ARHGEF11: variants seen among roughly 807,000 people sequenced by gnomAD.
ARHGEF11 encodes Rho guanine nucleotide exchange factor 11.
Under a neutral mutation model 193.7 loss-of-function variants are expected in ARHGEF11, and 55 were observed. That is an observed-to-expected ratio of 0.28 (90% CI 0.23 to 0.36). The LOEUF (loss-of-function observed/expected upper bound fraction) is 0.36. Ranked by LOEUF, ARHGEF11 falls within the 10% of genes least tolerant of loss-of-function variation. The pLI is 1.00. For missense variants in ARHGEF11, 1,723 were observed against 2,005.6 expected, an observed-to-expected ratio of 0.86 and a Z score of 2.69; for synonymous variants, 693 against 768.0, an observed-to-expected ratio of 0.90 and a Z score of 1.62.
chr1:156,937,036 G>C (rs747763386), intron 39 of ARHGEF11, 31 bp from the exon 40 acceptor site: 1 of 1,605,564 alleles, frequency 6.2e-7, no homozygotes, highest in African/African-American at 1.3e-5. Flanking sequence ...ATGTCTGCTC[G>C]AGTCCTTCTA....
rs996137520 is a variant in ARHGEF11 at position 156,948,090 on chromosome 1, C to T, written c.2153+91G>A. 8 of 1,535,364 alleles carry T rather than the reference C, an allele frequency of 5.2e-6. No homozygotes were observed. The highest frequency in any genetic ancestry group is 2.3e-5 in the East Asian group (1 of 43,932). ...GTGGGCCCAGAAGAGGAGACAGCCA[C>T]CCAACCAGCCCCTTGCAGGTGAGAG... is the stretch of plus-strand genomic sequence containing the variant. On this transcript the variant is annotated intron_variant, in intron 24 of 40. Coordinates refer to ENST00000368194, the MANE Select transcript of ARHGEF11 (RefSeq NM_198236.3). This position sits in a 1 kb window ranked among gnomAD's most constrained non-coding sequence, Gnocchi z 4.2.
At chr1:156,972,680 T>A (rs1263789086) in intron 7 of ARHGEF11, among the ~76,000 whole-genome samples, 1 of 152,154 alleles carries the variant, frequency 6.6e-6, no homozygotes, top group East Asian at 1.9e-4. Flanking sequence ...TATTTCATCT[T>A]CTCCATGCCC....
At chr1:156,982,904 T>C (rs1171114942) in intron 3 of ARHGEF11, among the ~76,000 whole-genome samples, 4 of 152,218 alleles carry the variant, frequency 2.6e-5, no homozygotes, top group African/African-American at 9.6e-5. Context: ...CTCCCAAATA[T>C]AAGAAGCCAT....
intron 5 of ARHGEF11, among the ~76,000 whole-genome samples, chr1:156,978,625 A>G (rs1463125602): frequency 2.0e-5 from 3 of 152,290 alleles, no homozygotes; most frequent in Middle Eastern, 3.4e-3. Context: ...ATCTGGGAAC[A>G]CGCCCCACAG....
intron 1 of ARHGEF11, among the ~76,000 whole-genome samples, chr1:157,030,375 C>G (rs539777016): frequency 6.6e-6 from 1 of 152,248 alleles, no homozygotes; most frequent in Admixed American, 6.5e-5. Flanking sequence ...GCGTGCCACT[C>G]TCCCCACCAT....
intron 7 of ARHGEF11, among the ~76,000 whole-genome samples, chr1:156,973,087 G>GATTTT (rs1223361513): frequency 6.6e-6 from 1 of 151,814 alleles, no homozygotes; most frequent in East Asian, 1.9e-4. Flanking sequence ...GTGGTTTTCT[G>GATTTT]ATTTTATTTT....
In ARHGEF11 at chr1:156,951,595, C is replaced by G. The variant is rs773386276; in HGVS notation, c.1903G>C (p.Glu635Gln). ...TACCTGTCACTCTCCAGCAGGTCCT[C>G]AGGAAAGCTTCCGGTCGAGAGTCGT... ...TQRLSTGSFP[E>Q]DLLESDSSRS... is the part of the protein sequence containing the mutation. The change falls in exon 22 of 41, where the codon GAG (glutamate) becomes CAG (glutamine). Residue 635 changes from glutamate (E) to glutamine (Q), a missense_variant. Glu to Gln is a conservative substitution (Grantham distance 29). Transcript: ENST00000368194. 6.2e-7 allele frequency: 1 copy of G among 1,614,134 alleles called. No homozygotes were observed. Among genetic ancestry groups the G allele is most frequent in the Non-Finnish European group, 8.5e-7 (1 of 1,180,034 alleles).
intron 3 of ARHGEF11, among the ~76,000 whole-genome samples, chr1:156,982,752 G>T (rs1055115190): frequency 1.3e-5 from 2 of 152,196 alleles, no homozygotes; most frequent in Non-Finnish European, 2.9e-5. Context: ...CAGAGGAAAA[G>T]TACAAGTTAC....
intron 1 of ARHGEF11, among the ~76,000 whole-genome samples, chr1:156,995,212 AAG>A (rs1295104492): frequency 6.6e-6 from 1 of 152,198 alleles, no homozygotes; most frequent in Admixed American, 6.5e-5. Context: ...TGATCTTTTA[AAG>A]AGAGAAATTA....
intron 13 of ARHGEF11, 119 bp downstream of exon 13, chr1:156,963,070 TTGTCTGTCCTTGAA>T: frequency 1.5e-6 from 1 of 687,146 alleles, no homozygotes; most frequent in Non-Finnish European, 2.5e-6. Flanking sequence ...CTTGGCTATT[TTGTCTGTCCTTGAA>T]ATGCCTGACT....
chr1:156,969,431 C>T (rs2102286323), intron 9 of ARHGEF11, 73 bp from the exon 10 acceptor site: 1 of 1,437,442 alleles, frequency 7.0e-7, no homozygotes, highest in Non-Finnish European at 9.6e-7. Flanking sequence ...ATTCTGGGCA[C>T]CTGTGTGCAG....
chr1:157,016,578 A>G (rs918961539), intron 1 of ARHGEF11, among the ~76,000 whole-genome samples: 2 of 152,076 alleles, frequency 1.3e-5, no homozygotes, highest in African/African-American at 4.8e-5. Context: ...GCGTCTGTTC[A>G]TTTTGTGTGT....
At chr1:157,025,172 T>C (rs113906376) in intron 1 of ARHGEF11, among the ~76,000 whole-genome samples, 183 of 152,348 alleles carry the variant, frequency 1.2e-3, no homozygotes, top group Admixed American at 2.2e-3. Flanking sequence ...ACCAAACTGA[T>C]GGTACAGACA....
rs770193240 is a variant in ARHGEF11, at chr1:156,951,583, C to G, written c.1915G>C (p.Glu639Gln). ...TCCAGCCAGTGCTACCTGTCACTCT[C>G]CAGCAGGTCCTCAGGAAAGCTTCCG... The part of the protein sequence containing the change: ...STGSFPEDLL[E>Q]SDSSRSEIRL... Residue 639 changes from glutamate (E) to glutamine (Q), a missense_variant, in exon 22 of 41, where the codon GAG becomes CAG. Coordinates refer to ENST00000368194, the MANE Select transcript of ARHGEF11 (RefSeq NM_198236.3). 3.1e-6 allele frequency: 5 copies of G among 1,614,056 alleles called. No individual in the cohort carries two copies. The highest frequency in any genetic ancestry group is 3.4e-6 in the Non-Finnish European group (4 of 1,180,016).
intron 1 of ARHGEF11, among the ~76,000 whole-genome samples, chr1:157,011,714 TATG>T (rs2102794464): frequency 6.6e-6 from 1 of 152,320 alleles, no homozygotes; most frequent in South Asian, 2.1e-4. Flanking sequence ...AAATGGCCTA[TATG>T]CATATGGAAG....
At chr1:156,949,767 GAAGT>G (rs1363934260) in intron 22 of ARHGEF11, among the ~76,000 whole-genome samples, 6 of 152,320 alleles carry the variant, frequency 3.9e-5, no homozygotes, top group South Asian at 4.2e-4. Flanking sequence ...CAAGCACCCA[GAAGT>G]AAGTAATGCT....
chr1:157,018,334 C>T (rs975694181), intron 1 of ARHGEF11, among the ~76,000 whole-genome samples: 7 of 151,872 alleles, frequency 4.6e-5, no homozygotes, highest in African/African-American at 1.7e-4. Flanking sequence ...AAATTGATTC[C>T]AAAATCTATA....
Position 156,968,068 on chromosome 1 carries a change from G to A in ARHGEF11, c.882C>T (p.Thr294=). 6.2e-7 allele frequency: 1 copy of A among 1,614,224 alleles called. No individual in the cohort carries two copies. The highest frequency in any genetic ancestry group is 8.5e-7 in the Non-Finnish European group (1 of 1,180,018). Residue 294 remains threonine, a synonymous_variant, in exon 11 of 41, where the codon ACC becomes ACT. Transcript: ENST00000368194. ...CCACCCTGGCCATGATCACAGGGGA[G>A]GTTCGAGGACTGTCTAGCCCAGGGT... The part of the protein sequence containing the change: ...LSDPGLDSPR[T]SPVIMARVAQ...
At chr1:157,015,958 T>G (rs1669176602) in intron 1 of ARHGEF11, among the ~76,000 whole-genome samples, 1 of 152,208 alleles carries the variant, frequency 6.6e-6, no homozygotes, top group Admixed American at 6.5e-5. Context: ...ATATGGGGAT[T>G]GGAAGAGTGA....
Sources: allele counts gnomAD v4.1 joint callset (sites outside exome capture counted in the v4.1 genomes callset), GRCh38; gene constraint gnomAD v4.1.1; non-coding constraint Gnocchi (gnomAD v3.1); transcripts MANE v1.5; gene names NCBI Gene and HGNC (gene_info 2026-07-23, HGNC 2026-07-21).